The following KCNIP4 variants were observed in gnomAD, a reference collection of about 807,000 sequenced individuals.
KCNIP4 encodes Kv channel-interacting protein 4.
A neutral mutation model predicts 34.0 loss-of-function variants in KCNIP4; 12 were observed. That is an observed-to-expected ratio of 0.35 (90% CI 0.23 to 0.57). The LOEUF is 0.57. KCNIP4 is among the 20% of genes least tolerant of loss of function. The pLI is 0.83. For synonymous variants in KCNIP4, 124 were observed against 102.2 expected (o/e 1.21, Z -1.29); for missense variants, 238 against 311.7 (o/e 0.76, Z 1.78).
chr4:21,113,480 AG>A (rs57392593), intron 1 of KCNIP4, among the ~76,000 whole-genome samples: 987 of 87,504 alleles, frequency 0.011, 39 homozygotes, highest in African/African-American at 0.039. Flanking sequence ...AAAAAAAAAA[AG>A]GAAAGCTATA....
chr4:21,627,052 G>A (rs949805730), intron 1 of KCNIP4, among the ~76,000 whole-genome samples: 2 of 152,104 alleles, frequency 1.3e-5, no homozygotes, highest in Non-Finnish European at 2.9e-5. Flanking sequence ...GAATGCTGAA[G>A]TCAGATTTTC....
intron 1 of KCNIP4, among the ~76,000 whole-genome samples, chr4:21,238,538 G>T (rs187309800): frequency 0.22 from 32,853 of 152,032 alleles, 6,045 homozygotes; most frequent in African/African-American, 0.5. Flanking sequence ...AAAGTCTCAG[G>T]ATACAAAATC....
intron 1 of KCNIP4, among the ~76,000 whole-genome samples, chr4:21,211,843 G>A (rs1356167624): frequency 6.6e-6 from 1 of 151,836 alleles, no homozygotes; most frequent in Admixed American, 6.6e-5. Context: ...GGCATAAATA[G>A]TAGAGTCAGC....
At chr4:21,228,368 T>C (rs1273089880) in intron 1 of KCNIP4, among the ~76,000 whole-genome samples, 1 of 152,124 alleles carries the variant, frequency 6.6e-6, no homozygotes, top group African/African-American at 2.4e-5. Context: ...TGATTGTAAG[T>C]TTCCTGAGGC....
intron 1 of KCNIP4, among the ~76,000 whole-genome samples, chr4:21,378,998 G>A (rs1253778526): frequency 1.3e-5 from 2 of 152,044 alleles, no homozygotes; most frequent in African/African-American, 4.8e-5. Context: ...AATTCATTAT[G>A]CATTATCCTT....
chr4:21,380,675 T>C (rs981132535), intron 1 of KCNIP4, among the ~76,000 whole-genome samples: 4 of 152,112 alleles, frequency 2.6e-5, no homozygotes, highest in Non-Finnish European at 5.9e-5. Flanking sequence ...AATGAGACAT[T>C]GTTAATCTGA....
At chr4:21,409,765 T>A (rs1419565989) in intron 1 of KCNIP4, among the ~76,000 whole-genome samples, 1 of 152,144 alleles carries the variant, frequency 6.6e-6, no homozygotes, top group African/African-American at 2.4e-5. Flanking sequence ...TAAATGTATG[T>A]GAGTGTATGA....
At chr4:21,715,558 T>A (rs939867742) in intron 1 of KCNIP4, among the ~76,000 whole-genome samples, 14 of 152,210 alleles carry the variant, frequency 9.2e-5, no homozygotes, top group Admixed American at 2.0e-4. Flanking sequence ...TCTATGCCAG[T>A]TTTGCTCTTT....
intron 1 of KCNIP4, among the ~76,000 whole-genome samples, chr4:21,495,268 T>A (rs1424594148): frequency 1.3e-5 from 2 of 152,186 alleles, no homozygotes; most frequent in Non-Finnish European, 2.9e-5. Flanking sequence ...TCTGGTATTC[T>A]TGCTTGTTTG....
intron 1 of KCNIP4, among the ~76,000 whole-genome samples, chr4:21,030,409 C>T (rs1242234163): frequency 6.6e-6 from 1 of 152,068 alleles, no homozygotes; most frequent in Non-Finnish European, 1.5e-5. Context: ...ATAATTATTT[C>T]ATTATATATT....
chr4:20,956,557 T>C (rs976216223), intron 1 of KCNIP4, among the ~76,000 whole-genome samples: 1 of 152,170 alleles, frequency 6.6e-6, no homozygotes, highest in African/African-American at 2.4e-5. Flanking sequence ...TATGGCTTTA[T>C]TCATTTCTTG....
At chr4:21,633,573 A>G (rs1344517668) in intron 1 of KCNIP4, among the ~76,000 whole-genome samples, 1 of 152,158 alleles carries the variant, frequency 6.6e-6, no homozygotes, top group South Asian at 2.1e-4. Context: ...CTTTGTGTGG[A>G]AAGTTAACAA....
At chr4:21,313,162 A>C (rs907229752) in intron 1 of KCNIP4, among the ~76,000 whole-genome samples, 1 of 152,220 alleles carries the variant, frequency 6.6e-6, no homozygotes, top group Non-Finnish European at 1.5e-5. Flanking sequence ...GATGCAAATA[A>C]TTGAAACAGG....
At chr4:21,117,014 G>C (rs916971595) in intron 1 of KCNIP4, among the ~76,000 whole-genome samples, 14 of 151,986 alleles carry the variant, frequency 9.2e-5, no homozygotes, top group Admixed American at 8.5e-4. Context: ...CTATGTGTTT[G>C]GAACACAACT....
At chr4:21,682,057 T>A (rs1577834171) in intron 1 of KCNIP4, among the ~76,000 whole-genome samples, 1 of 151,912 alleles carries the variant, frequency 6.6e-6, no homozygotes, top group Admixed American at 6.6e-5. Flanking sequence ...CCCAGCTAAT[T>A]TTTTTTGTAA....
intron 1 of KCNIP4, among the ~76,000 whole-genome samples, chr4:21,745,044 G>T (rs1716679070): frequency 6.6e-6 from 1 of 152,192 alleles, no homozygotes; most frequent in African/African-American, 2.4e-5. Context: ...GTGCCTTGCA[G>T]AGATGGCATT....
chr4:20,878,805 C>CT (rs1724359298), intron 2 of KCNIP4, among the ~76,000 whole-genome samples: 1 of 152,158 alleles, frequency 6.6e-6, no homozygotes, highest in Non-Finnish European at 1.5e-5. Flanking sequence ...CACAATGCCC[C>CT]TCTTTGCCTC....
intron 1 of KCNIP4, among the ~76,000 whole-genome samples, chr4:21,107,414 T>C (rs1209459988): frequency 2.0e-5 from 3 of 150,940 alleles, no homozygotes; most frequent in African/African-American, 7.4e-5. Flanking sequence ...GAAACTAGGA[T>C]TGCAACCCCT....
At chr4:21,153,515 GTATATATATATA>G (rs59614946) in intron 1 of KCNIP4, among the ~76,000 whole-genome samples, 4 of 140,898 alleles carry the variant, frequency 2.8e-5, no homozygotes, top group African/African-American at 1.0e-4. Flanking sequence ...ATGTGTGTGT[GTATATATATATA>G]TATATATATA....
Sources: gnomAD v4.1 joint callset for allele counts (sites outside exome capture counted in the v4.1 genomes callset) on GRCh38, gnomAD v4.1.1 for gene constraint, MANE v1.5 for transcripts, NCBI Gene and HGNC (gene_info 2026-07-23, HGNC 2026-07-21) for gene names.